LOC128462377: variants seen among roughly 807,000 people sequenced by gnomAD.
the LOC128462377 span, among the ~76,000 whole-genome samples, chr16:89,350,907 T>G: frequency 6.6e-6 from 1 of 152,174 alleles, no homozygotes; most frequent in African/African-American, 2.4e-5. Context: ...ACGATTTCTT[T>G]CCACGATTCA....
chr16:89,326,892 C>A, the LOC128462377 span, among the ~76,000 whole-genome samples: 1 of 152,190 alleles, frequency 6.6e-6, no homozygotes. Flanking sequence ...CACATCTGCA[C>A]GTGGGGCTGA....
At chr16:89,357,791 C>A in the LOC128462377 span, among the ~76,000 whole-genome samples, 37 of 152,340 alleles carry the variant, frequency 2.4e-4, 1 homozygote, top group African/African-American at 8.7e-4. Flanking sequence ...GGAGGAACCA[C>A]TGCTCATCGG....
At chr16:89,394,013 C>CA in the LOC128462377 span, among the ~76,000 whole-genome samples, 29 of 152,320 alleles carry the variant, frequency 1.9e-4, no homozygotes, top group Non-Finnish European at 1.6e-4. Context: ...TCCCAGACCC[C>CA]AGTGTTTGCT....
At chr16:89,337,601 T>C in the LOC128462377 span, among the ~76,000 whole-genome samples, 1 of 151,934 alleles carries the variant, frequency 6.6e-6, no homozygotes, top group East Asian at 1.9e-4. Flanking sequence ...CATGCCCAGA[T>C]AATTTTTTTG....
the LOC128462377 span, among the ~76,000 whole-genome samples, chr16:89,373,741 G>A: frequency 7.9e-5 from 12 of 152,182 alleles, no homozygotes; most frequent in Admixed American, 3.9e-4. Context: ...GCATGCACAC[G>A]ACACCCCTCC....
At chr16:89,358,910 C>T in the LOC128462377 span, among the ~76,000 whole-genome samples, 1 of 152,134 alleles carries the variant, frequency 6.6e-6, no homozygotes, top group African/African-American at 2.4e-5. Flanking sequence ...ACCACAGCCT[C>T]GACCTCCTGG....
At chr16:89,412,004 C>A in the LOC128462377 span, among the ~76,000 whole-genome samples, 8 of 112,258 alleles carry the variant, frequency 7.1e-5, no homozygotes, top group Admixed American at 7.0e-4. Flanking sequence ...CCAGAGTCTC[C>A]TGGCCGTGCC....
the LOC128462377 span, among the ~76,000 whole-genome samples, chr16:89,318,530 G>T: frequency 1.9e-4 from 29 of 151,478 alleles, no homozygotes; most frequent in Non-Finnish European, 2.9e-5. Context: ...GCTCATGCAC[G>T]AAGTATGGCT....
At chr16:89,366,332 T>C in the LOC128462377 span, among the ~76,000 whole-genome samples, 2 of 152,192 alleles carry the variant, frequency 1.3e-5, no homozygotes, top group Non-Finnish European at 2.9e-5. Context: ...TCTATTCCTC[T>C]GGGTATATAC....
chr16:89,363,784 G>A, the LOC128462377 span, among the ~76,000 whole-genome samples: 185 of 152,268 alleles, frequency 1.2e-3, no homozygotes, highest in African/African-American at 4.4e-3. Context: ...AGCCCTATGC[G>A]GTGACTCATG....
the LOC128462377 span, among the ~76,000 whole-genome samples, chr16:89,336,142 A>C: frequency 6.6e-6 from 1 of 152,230 alleles, no homozygotes; most frequent in African/African-American, 2.4e-5. Flanking sequence ...TAATCCACAG[A>C]ACCCAGGCCT....
chr16:89,339,656 A>T, the LOC128462377 span, among the ~76,000 whole-genome samples: 33 of 152,282 alleles, frequency 2.2e-4, no homozygotes, highest in Admixed American at 1.7e-3. Context: ...TTCCTTTAAA[A>T]TTTTTCAAGC....
chr16:89,394,970 T>G, the LOC128462377 span, among the ~76,000 whole-genome samples: 4 of 152,200 alleles, frequency 2.6e-5, no homozygotes, highest in Non-Finnish European at 5.9e-5. Flanking sequence ...GAGAACCCCC[T>G]GTTAAAAAGA....
At chr16:89,349,059 C>T in the LOC128462377 span, among the ~76,000 whole-genome samples, 2 of 126,218 alleles carry the variant, frequency 1.6e-5, no homozygotes, top group Non-Finnish European at 3.1e-5. Context: ...ACCTGGGAGG[C>T]GGAGGTTACA....
chr16:89,356,564 G>A, the LOC128462377 span, among the ~76,000 whole-genome samples: 1 of 149,832 alleles, frequency 6.7e-6, no homozygotes, highest in Non-Finnish European at 1.5e-5. Flanking sequence ...GAGGTCAGGA[G>A]ATCGAGACCA....
chr16:89,354,943 A>C, the LOC128462377 span, among the ~76,000 whole-genome samples: 1 of 152,296 alleles, frequency 6.6e-6, no homozygotes, highest in East Asian at 1.9e-4. Flanking sequence ...TTTGGCAAAG[A>C]AAATGCCCCC....
chr16:89,317,112 C>A, the LOC128462377 span: 1 of 1,391,402 alleles, frequency 7.2e-7, no homozygotes, highest in South Asian at 1.2e-5. Context: ...TCACTGAATT[C>A]AGAGGCAGCT....
the LOC128462377 span, among the ~76,000 whole-genome samples, chr16:89,337,285 AG>A: frequency 6.6e-6 from 1 of 151,844 alleles, no homozygotes; most frequent in Admixed American, 6.6e-5. Flanking sequence ...GTCAGAAAGG[AG>A]AGGACTTCAG....
the LOC128462377 span, chr16:89,360,621 T>C: frequency 1.3e-5 from 2 of 152,200 alleles, no homozygotes; most frequent in Non-Finnish European, 2.9e-5. Context: ...TAGAAGCCAG[T>C]GCACCTGAGA....
Sources: allele counts gnomAD v4.1 joint callset (sites outside exome capture counted in the v4.1 genomes callset), GRCh38; gene constraint gnomAD v4.1.1; transcripts MANE v1.5.